The following KDM4C variants were observed in gnomAD, a reference collection of about 807,000 sequenced individuals.
KDM4C encodes lysine demethylase 4C, also known as lysine-specific demethylase 4C.
In KDM4C, 81 loss-of-function variants were observed where a neutral mutation model predicts 129.3. That is an observed-to-expected ratio of 0.63 (90% CI 0.52 to 0.75). The LOEUF (loss-of-function observed/expected upper bound fraction) is 0.75, where lower values mean the gene tolerates loss of function less well. KDM4C is among the 30% of genes least tolerant of loss of function. KDM4C has a pLI of 0.00. For synonymous variants in KDM4C, 573 were observed against 456.1 expected, an observed-to-expected ratio of 1.26 and a Z score of -3.26; for missense variants, 1,457 against 1,304.0, an observed-to-expected ratio of 1.12 and a Z score of -1.81.
At chr9:6,730,141 T>G in intron 1 of KDM4C, among the ~76,000 whole-genome samples, 1 of 151,816 alleles carries the variant, frequency 6.6e-6, no homozygotes, top group Non-Finnish European at 1.5e-5. Context: ...GCTTGTCAGT[T>G]GCACCTGGAA....
intron 4 of KDM4C, 118 bp from the exon 5 acceptor site, chr9:6,849,389 C>G: frequency 3.0e-5 from 22 of 724,988 alleles, no homozygotes; most frequent in Admixed American, 3.4e-5. Context: ...TTTCAGTTTT[C>G]AGTTAGTTAG....
At chr9:6,837,814 T>G (rs1836169178) in intron 4 of KDM4C, among the ~76,000 whole-genome samples, 1 of 152,202 alleles carries the variant, frequency 6.6e-6, no homozygotes, top group East Asian at 1.9e-4. Flanking sequence ...TGTCTTTTAA[T>G]GAACAAATGT....
chr9:7,149,368 C>T (rs1278603337), intron 19 of KDM4C, among the ~76,000 whole-genome samples: 1 of 152,244 alleles, frequency 6.6e-6, no homozygotes, highest in Non-Finnish European at 1.5e-5. Flanking sequence ...CACTTCCGAG[C>T]CTGCCGGGGC....
At chr9:6,766,155 G>T (rs1820584893) in intron 1 of KDM4C, among the ~76,000 whole-genome samples, 1 of 152,064 alleles carries the variant, frequency 6.6e-6, no homozygotes, top group Non-Finnish European at 1.5e-5. Flanking sequence ...TGAAATACAT[G>T]AATTTTATAT....
At chr9:6,842,061 C>A (rs985289784) in intron 4 of KDM4C, among the ~76,000 whole-genome samples, 2 of 152,136 alleles carry the variant, frequency 1.3e-5, no homozygotes, top group African/African-American at 4.8e-5. Flanking sequence ...AGGTTCCTAC[C>A]ACTTGTATAG....
intron 8 of KDM4C, among the ~76,000 whole-genome samples, chr9:6,929,181 G>T (rs906978687): frequency 3.3e-5 from 5 of 152,062 alleles, no homozygotes; most frequent in African/African-American, 1.2e-4. Flanking sequence ...CTTAATTTTA[G>T]GGCTTAGACC....
intron 14 of KDM4C, among the ~76,000 whole-genome samples, chr9:7,014,980 G>A (rs1250342078): frequency 6.7e-6 from 1 of 149,086 alleles, no homozygotes; most frequent in South Asian, 2.1e-4. Context: ...TATACAATAG[G>A]TAAAGCACCA....
At chr9:6,997,281 C>G (rs1353893696) in intron 12 of KDM4C, among the ~76,000 whole-genome samples, 1 of 152,092 alleles carries the variant, frequency 6.6e-6, no homozygotes, top group Non-Finnish European at 1.5e-5. Flanking sequence ...GCAGAGCGAT[C>G]AGAACTAGGA....
At chr9:6,786,762 A>G (rs139004922) in intron 1 of KDM4C, among the ~76,000 whole-genome samples, 2 of 152,318 alleles carry the variant, frequency 1.3e-5, no homozygotes, top group East Asian at 1.9e-4. Context: ...GGAACAGAAC[A>G]TTTATTAATA....
chr9:7,163,059 G>A (rs545207983), intron 19 of KDM4C, among the ~76,000 whole-genome samples: 1 of 152,248 alleles, frequency 6.6e-6, no homozygotes, highest in South Asian at 2.1e-4. Context: ...GTGCAGGAAA[G>A]TGCAGGCTCC....
In KDM4C at chr9:6,758,065, C is replaced by T; in HGVS notation, c.-156C>T. ...GGCGCAGTGATCGGGCGGCCGGGGT[C>T]CTGTGCGCGTGCGCAGCGAACAGCT... On this transcript the variant is annotated 5_prime_UTR_variant, in exon 1 of 22. Coordinates refer to ENST00000381309, the MANE Select transcript of KDM4C (RefSeq NM_015061.6). This position sits in a 1 kb window ranked among gnomAD's most constrained non-coding sequence, Gnocchi z 4.6. 1 of 985,468 alleles carries T rather than the reference C, an allele frequency of 1.0e-6. No homozygotes were observed. The highest frequency in any genetic ancestry group is 1.2e-6 in the Non-Finnish European group (1 of 829,974). The allele number at this position is 985,468 out of a possible 1,614,324, so 61.0% of individuals were successfully genotyped here.
intron 19 of KDM4C, among the ~76,000 whole-genome samples, chr9:7,155,528 C>A (rs1421771569): frequency 6.6e-6 from 1 of 152,096 alleles, no homozygotes; most frequent in Non-Finnish European, 1.5e-5. Context: ...CCTCAACAGG[C>A]CCCGGTGTGT....
chr9:6,773,996 T>A (rs2059143406), intron 1 of KDM4C, among the ~76,000 whole-genome samples: 1 of 152,104 alleles, frequency 6.6e-6, no homozygotes, highest in Non-Finnish European at 1.5e-5. Flanking sequence ...CAAGCAATTC[T>A]CCTTTCTCAG....
At chr9:7,079,039 A>T (rs1564089385) in intron 17 of KDM4C, among the ~76,000 whole-genome samples, 1 of 152,218 alleles carries the variant, frequency 6.6e-6, no homozygotes, top group African/African-American at 2.4e-5. Context: ...AGGTTTACAG[A>T]TTCAGCATAA....
At chr9:6,920,505 G>T (rs1341053796) in intron 8 of KDM4C, among the ~76,000 whole-genome samples, 1 of 151,548 alleles carries the variant, frequency 6.6e-6, no homozygotes, top group African/African-American at 2.4e-5. Context: ...GCAGGTTGCA[G>T]TGAGCCGAGA....
At chr9:6,833,549 A>C (rs1187252319) in intron 4 of KDM4C, among the ~76,000 whole-genome samples, 1 of 152,196 alleles carries the variant, frequency 6.6e-6, no homozygotes, top group African/African-American at 2.4e-5. Context: ...GTGATTATGA[A>C]CTGTGAGGTC....
intron 5 of KDM4C, 38 bp from the exon 6 acceptor site, chr9:6,879,974 T>C (rs1007711061): frequency 8.2e-7 from 1 of 1,220,202 alleles, no homozygotes; most frequent in Non-Finnish European, 1.2e-6. Flanking sequence ...GCTGAAAAAT[T>C]ATAAACCTAA....
intron 4 of KDM4C, among the ~76,000 whole-genome samples, chr9:6,823,353 A>T (rs1052864470): frequency 6.6e-6 from 1 of 152,148 alleles, no homozygotes; most frequent in Non-Finnish European, 1.5e-5. Context: ...GTACCCATGG[A>T]GCAATTTAGC....
intron 8 of KDM4C, among the ~76,000 whole-genome samples, chr9:6,904,338 A>G (rs1272802103): frequency 6.6e-6 from 1 of 152,134 alleles, no homozygotes; most frequent in African/African-American, 2.4e-5. Context: ...TTTCTGGGTT[A>G]TAGATACTTA....
Sources: allele counts gnomAD v4.1 joint callset (sites outside exome capture counted in the v4.1 genomes callset), GRCh38; gene constraint gnomAD v4.1.1; non-coding constraint Gnocchi (gnomAD v3.1); transcripts MANE v1.5; gene names NCBI Gene and HGNC (gene_info 2026-07-23, HGNC 2026-07-21).